ZC3H12C: variants seen among roughly 807,000 people sequenced by gnomAD.
The protein encoded by ZC3H12C is probable ribonuclease ZC3H12C.
In ZC3H12C, 20 loss-of-function variants were observed where a neutral mutation model predicts 76.3. The ratio of observed to expected loss-of-function variants is 0.26; its 90% confidence interval spans 0.18 to 0.38. ZC3H12C has a LOEUF of 0.38. Among genes scored for constraint, ZC3H12C ranks in the 10% least tolerant of loss-of-function variants. The pLI, the probability that ZC3H12C is intolerant of heterozygous loss-of-function variation, is 1.00. For synonymous variants in ZC3H12C, 352 were observed against 399.6 expected (o/e 0.88, Z 1.42); for missense variants, 874 against 1,086.5 (o/e 0.80, Z 2.75).
At chr11:110,161,285 G>A (rs191405795) in intron 4 of ZC3H12C, among the ~76,000 whole-genome samples, 62 of 152,242 alleles carry the variant, frequency 4.1e-4, no homozygotes, top group Middle Eastern at 3.4e-3. Flanking sequence ...GTGCTATTAC[G>A]TTACCAGCAA....
At chr11:110,122,967 C>T (rs897348880) in intron 1 of ZC3H12C, among the ~76,000 whole-genome samples, 4 of 152,190 alleles carry the variant, frequency 2.6e-5, no homozygotes, top group Non-Finnish European at 5.9e-5. Context: ...AGGGATAATG[C>T]ACATCCTGGG....
At chr11:110,134,974 T>C (rs1282424082) in intron 1 of ZC3H12C, among the ~76,000 whole-genome samples, 1 of 152,204 alleles carries the variant, frequency 6.6e-6, no homozygotes, top group Admixed American at 6.5e-5. Flanking sequence ...CAGGTATGCT[T>C]TCAAATTTGT....
chr11:110,127,888 TTA>T (rs200322102), intron 1 of ZC3H12C, among the ~76,000 whole-genome samples: 4,041 of 87,788 alleles, frequency 0.046, 328 homozygotes, highest in Admixed American at 0.25. Context: ...ACAGTGAGAC[TTA>T]CTCTCAAAAA....
intron 1 of ZC3H12C, among the ~76,000 whole-genome samples, chr11:110,117,675 TATTATA>T (rs1345624314): frequency 2.1e-5 from 3 of 143,124 alleles, no homozygotes; most frequent in African/African-American, 7.7e-5. Flanking sequence ...CATATATATA[TATTATA>T]TATATACACA....
rs557756772 is a variant in ZC3H12C, at chr11:110,126,892, TAA to T, written c.22-9769_22-9768del. Among the ~76,000 whole-genome samples, 25 of 151,758 alleles carry T rather than the reference TAA, an allele frequency of 1.6e-4. No homozygotes were observed. The East Asian group carries it at 4.2e-3, about 26-fold the overall frequency. ...ACTTCTCTATGAGCTTTATTTTATA[TAA>T]AGTTATTTATATTTGATGATTTATT... is the stretch of plus-strand genomic sequence containing the variant. On this transcript the variant is annotated intron_variant, in intron 1 of 5. Coordinates refer to ENST00000278590, the MANE Select transcript of ZC3H12C (RefSeq NM_033390.2).
At chr11:110,104,529 A>G (rs147898071) in intron 1 of ZC3H12C, among the ~76,000 whole-genome samples, 1 of 152,326 alleles carries the variant, frequency 6.6e-6, no homozygotes, top group Admixed American at 6.5e-5. Context: ...ATTAAATTAA[A>G]AAATGTTCAG....
At chr11:110,118,467 CA>C (rs1198716781) in intron 1 of ZC3H12C, among the ~76,000 whole-genome samples, 4 of 151,836 alleles carry the variant, frequency 2.6e-5, no homozygotes, top group African/African-American at 9.7e-5. Context: ...TTCGCACCAG[CA>C]AGAAGAAAAA....
intron 1 of ZC3H12C, among the ~76,000 whole-genome samples, chr11:110,126,216 C>CTTTTTTT (rs56199067): frequency 1.2e-5 from 1 of 86,244 alleles, no homozygotes; most frequent in Admixed American, 1.3e-4. Context: ...TTGTTTTCTT[C>CTTTTTTT]TTTTTTTTTT....
chr11:110,096,358 T>A (rs1861112635), intron 1 of ZC3H12C, among the ~76,000 whole-genome samples: 1 of 152,230 alleles, frequency 6.6e-6, no homozygotes, highest in African/African-American at 2.4e-5. Flanking sequence ...GCGGCATCAA[T>A]TCTCTACTGT....
intron 2 of ZC3H12C, among the ~76,000 whole-genome samples, chr11:110,141,097 G>A (rs1862059857): frequency 6.6e-6 from 1 of 152,160 alleles, no homozygotes; most frequent in Non-Finnish European, 1.5e-5. Flanking sequence ...TTTATACTCA[G>A]CCCCGCAAAG....
intron 2 of ZC3H12C, among the ~76,000 whole-genome samples, chr11:110,149,122 A>G (rs992056673): frequency 1.3e-5 from 2 of 152,214 alleles, no homozygotes; most frequent in Non-Finnish European, 2.9e-5. Context: ...TTATTATACT[A>G]TGAATGATTC....
At chr11:110,151,573 C>A (rs1339539637) in intron 2 of ZC3H12C, among the ~76,000 whole-genome samples, 2 of 152,124 alleles carry the variant, frequency 1.3e-5, no homozygotes, top group East Asian at 3.9e-4. Context: ...CTAGAGATAC[C>A]ATTTTCTACA....
intron 1 of ZC3H12C, among the ~76,000 whole-genome samples, chr11:110,107,787 A>G (rs780459662): frequency 1.3e-5 from 2 of 152,040 alleles, no homozygotes; most frequent in South Asian, 4.2e-4. Context: ...TGGCCTCTCA[A>G]TAAGTGCTGG....
rs1565270375 is a variant in ZC3H12C, at chr11:110,164,461, C to T, written c.1376C>T (p.Ala459Val). 1 of 1,614,002 alleles carries T rather than the reference C, an allele frequency of 6.2e-7. No homozygotes were observed. The highest frequency in any genetic ancestry group is 8.5e-7 in the Non-Finnish European group (1 of 1,179,896). ...TCTAGAAATACGGCAGCCAAAACTGCAAACGAAGGAGGACTGGTGAAAAGC... is the reference window on the plus strand; with the variant it reads ...TCTAGAAATACGGCAGCCAAAACTGTAAACGAAGGAGGACTGGTGAAAAGC... The part of the protein sequence containing the change: ...AMSRNTAAKT[A>V]NEGGLVKSNS... Residue 459 changes from alanine (A) to valine (V), a missense_variant, in exon 6 of 6, where the codon GCA becomes GTA. Coordinates refer to ENST00000278590, the MANE Select transcript of ZC3H12C (RefSeq NM_033390.2). The surrounding 1 kb of genome is among the most constrained non-coding windows in gnomAD (Gnocchi z 5.7).
At chr11:110,107,566 C>CCTAG (rs2134150308) in intron 1 of ZC3H12C, among the ~76,000 whole-genome samples, 1 of 152,044 alleles carries the variant, frequency 6.6e-6, no homozygotes, top group South Asian at 2.1e-4. Flanking sequence ...GCTCTTGTTG[C>CCTAG]CTAGGCTGGA....
Position 110,126,842 on chromosome 11 carries a change from TG to T in ZC3H12C, c.22-9820del, listed in dbSNP as rs202149232. ...TAATGAATAAATACACTAATATTAA[TG>T]TACTTTTTCTACCCCATATTAATAC... is the stretch of plus-strand genomic sequence containing the variant. On this transcript the variant is annotated intron_variant, in intron 1 of 5. Transcript: ENST00000278590. Among the ~76,000 whole-genome samples the T allele has an allele frequency of 5.8e-3, 884 of 152,336 alleles. 25 individuals are homozygous for T. The highest frequency in any genetic ancestry group is 0.049 in the Admixed American group (752 of 15,302).
At chr11:110,122,477 A>G (rs1861667881) in intron 1 of ZC3H12C, among the ~76,000 whole-genome samples, 1 of 152,130 alleles carries the variant, frequency 6.6e-6, no homozygotes, top group Admixed American at 6.6e-5. Flanking sequence ...TTATCCTCGA[A>G]GGATATGTTC....
intron 2 of ZC3H12C, among the ~76,000 whole-genome samples, chr11:110,144,787 A>G (rs557211441): frequency 6.6e-6 from 1 of 152,266 alleles, no homozygotes; most frequent in Admixed American, 6.5e-5. Flanking sequence ...TCACTGCCAT[A>G]TAAAGTATTA....
intron 1 of ZC3H12C, among the ~76,000 whole-genome samples, chr11:110,108,054 C>A (rs1316522236): frequency 1.3e-5 from 2 of 151,456 alleles, no homozygotes; most frequent in East Asian, 3.9e-4. Context: ...CTCAAGCTAT[C>A]CTCTCACCTC....
Sources: allele counts gnomAD v4.1 joint callset (sites outside exome capture counted in the v4.1 genomes callset), GRCh38; gene constraint gnomAD v4.1.1; non-coding constraint Gnocchi (gnomAD v3.1); transcripts MANE v1.5; gene names NCBI Gene and HGNC (gene_info 2026-07-23, HGNC 2026-07-21).